The following BFSP1 variants were observed in gnomAD, a reference collection of about 807,000 sequenced individuals.
BFSP1 encodes the protein filensin.
Under a neutral mutation model 43.9 loss-of-function variants are expected in BFSP1, and 38 were observed. The ratio of observed to expected loss-of-function variants is 0.87; its 90% confidence interval spans 0.67 to 1.14. The LOEUF (loss-of-function observed/expected upper bound fraction) is 1.14. BFSP1 is among the 50% of genes most tolerant of loss of function. The pLI is 0.00. For missense variants in BFSP1, 850 were observed against 875.1 expected, an observed-to-expected ratio of 0.97 and a Z score of 0.36; for synonymous variants, 352 against 354.8, an observed-to-expected ratio of 0.99 and a Z score of 0.09.
At chr20:17,519,421 C>T (rs2034271731) in intron 2 of BFSP1, among the ~76,000 whole-genome samples, 1 of 152,238 alleles carries the variant, frequency 6.6e-6, no homozygotes, top group Non-Finnish European at 1.5e-5. Context: ...AACATGAGGG[C>T]TCTGCCAAAT....
At chr20:17,543,272 A>C (rs926506722) in intron 1 of BFSP1, among the ~76,000 whole-genome samples, 3 of 152,244 alleles carry the variant, frequency 2.0e-5, no homozygotes, top group Non-Finnish European at 2.9e-5. Flanking sequence ...AACTTGATAA[A>C]GTCAGCAGCC....
intron 1 of BFSP1, among the ~76,000 whole-genome samples, chr20:17,550,190 A>C (rs765545327): frequency 1.3e-5 from 2 of 152,230 alleles, no homozygotes; most frequent in Non-Finnish European, 2.9e-5. Context: ...TTTGTGCAGG[A>C]AAGAAGTCAA....
chr20:17,520,564 G>C (rs1008039087), intron 2 of BFSP1, among the ~76,000 whole-genome samples: 4 of 152,174 alleles, frequency 2.6e-5, no homozygotes, highest in African/African-American at 7.2e-5. Context: ...TGTTATGGCT[G>C]TTCTTCCAGG....
chr20:17,545,064 C>T (rs1480425818), intron 1 of BFSP1, among the ~76,000 whole-genome samples: 3 of 152,202 alleles, frequency 2.0e-5, no homozygotes, highest in Non-Finnish European at 4.4e-5. Context: ...TTCTTGGGCT[C>T]TCAATGCAAT....
chr20:17,531,983 C>G (rs1280830766), upstream of BFSP1, among the ~76,000 whole-genome samples: 3 of 152,034 alleles, frequency 2.0e-5, no homozygotes, highest in Non-Finnish European at 2.9e-5. Context: ...TGAGGTGTGG[C>G]GCAAGTAATT....
At chr20:17,521,785 A>G (rs1277979494) in intron 2 of BFSP1, among the ~76,000 whole-genome samples, 2 of 152,144 alleles carry the variant, frequency 1.3e-5, no homozygotes, top group East Asian at 3.9e-4. Context: ...TGAGCCAGAG[A>G]AGGAAACAAA....
chr20:17,539,259 C>T (rs192310065), intron 1 of BFSP1, among the ~76,000 whole-genome samples: 1 of 151,880 alleles, frequency 6.6e-6, no homozygotes, highest in Non-Finnish European at 1.5e-5. Context: ...TACAGGTGCA[C>T]ACTACCATGC....
chr20:17,498,513 G>A (rs973990077), intron 6 of BFSP1, among the ~76,000 whole-genome samples: 2 of 152,172 alleles, frequency 1.3e-5, no homozygotes, highest in East Asian at 1.9e-4. Flanking sequence ...GTCCCCAGAG[G>A]CCTATGAGCA....
intron 2 of BFSP1, among the ~76,000 whole-genome samples, chr20:17,521,555 G>A (rs1036387786): frequency 4.6e-5 from 7 of 152,140 alleles, no homozygotes; most frequent in African/African-American, 1.7e-4. Flanking sequence ...CCCAAAACCT[G>A]CAGGCCAAAA....
rs968519524 is a variant in BFSP1 at position 17,525,042 on chromosome 20, T to C, written c.378-134A>G. On this transcript the variant is annotated intron_variant, in intron 1 of 7. Transcript: ENST00000377873. This position sits in a 1 kb window ranked among gnomAD's most constrained non-coding sequence, Gnocchi z 4.2. ...GGAGAGGGTCTTAATTTTAAAGTAG[T>C]AGCTAACGAATGCTGCATTTCCTAG... The C allele has an allele frequency of 9.1e-6, 7 of 770,238 alleles. No homozygotes were observed. In the East Asian group the frequency reaches 1.8e-4, roughly 20 times the overall value. 47.7% of individuals were successfully genotyped at this position (770,238 alleles called of 1,614,324 possible). A position where few individuals can be genotyped will look rare whatever the true frequency, so the allele number is the denominator to read the frequency against.
chr20:17,520,849 C>T (rs1270106612), intron 2 of BFSP1, among the ~76,000 whole-genome samples: 1 of 152,220 alleles, frequency 6.6e-6, no homozygotes, highest in African/African-American at 2.4e-5. Flanking sequence ...ACCATTTTAT[C>T]CCCTAAACTC....
rs202079734 is a variant in BFSP1 at position 17,494,810 on chromosome 20, G to A, written c.1262C>T (p.Pro421Leu). The part of the protein sequence containing the change: ...KFESESKEVS[P>L]LTQEGAPEDV... ...CTCTGGAGCCCCTTCTTGTGTCAGG[G>A]GACTTACTTCTTTACTTTCTGATTC... Residue 421 changes from proline to leucine, a missense_variant, in exon 8 of 8, where the codon CCC becomes CTC. Coordinates refer to ENST00000377873, the MANE Select transcript of BFSP1 (RefSeq NM_001195.5). The A allele has an allele frequency of 1.9e-6, 3 of 1,614,120 alleles. No homozygotes were observed. The highest frequency in any genetic ancestry group is 2.2e-5 in the East Asian group (1 of 44,872).
chr20:17,522,649 A>T (rs1339736080), intron 2 of BFSP1, among the ~76,000 whole-genome samples: 1 of 152,206 alleles, frequency 6.6e-6, no homozygotes, highest in East Asian at 1.9e-4. Context: ...CTGCACCCAC[A>T]CTGTGGAGAA....
intron 2 of BFSP1, among the ~76,000 whole-genome samples, chr20:17,522,347 GC>G (rs941990739): frequency 1.6e-4 from 24 of 152,106 alleles, no homozygotes; most frequent in Admixed American, 3.9e-4. Flanking sequence ...AATAAAACCT[GC>G]CCCCCCAATA....
chr20:17,538,059 T>G, intron 1 of BFSP1, among the ~76,000 whole-genome samples: 1 of 151,340 alleles, frequency 6.6e-6, no homozygotes. Context: ...AGGCAGAGGT[T>G]GCCGTGAGCC....
intron 2 of BFSP1, 140 bp from the exon 3 acceptor site, chr20:17,514,956 G>T (rs2034166438): frequency 4.3e-6 from 3 of 704,858 alleles, no homozygotes; most frequent in African/African-American, 3.5e-5. Flanking sequence ...AGGGGTCTGA[G>T]ATTATGCATT....
At chr20:17,527,617 A>G (rs1462541473) in intron 1 of BFSP1, among the ~76,000 whole-genome samples, 1 of 152,118 alleles carries the variant, frequency 6.6e-6, no homozygotes, top group East Asian at 1.9e-4. Context: ...AGTCCCAGCT[A>G]CTTAGGAGGC....
intron 1 of BFSP1, among the ~76,000 whole-genome samples, chr20:17,537,858 C>A (rs1427765079): frequency 1.3e-5 from 2 of 152,140 alleles, no homozygotes; most frequent in Non-Finnish European, 2.9e-5. Flanking sequence ...TGGCTCACCC[C>A]TGTAATCCCA....
chr20:17,528,203 C>A (rs1387492343), intron 1 of BFSP1, among the ~76,000 whole-genome samples: 1 of 152,144 alleles, frequency 6.6e-6, no homozygotes, highest in African/African-American at 2.4e-5. Flanking sequence ...CTACCACAAT[C>A]CAAATGTCAA....
Sources: gnomAD v4.1 joint callset for allele counts (sites outside exome capture counted in the v4.1 genomes callset) on GRCh38, gnomAD v4.1.1 for gene constraint, Gnocchi (gnomAD v3.1) non-coding constraint, MANE v1.5 for transcripts, NCBI Gene and HGNC (gene_info 2026-07-23, HGNC 2026-07-21) for gene names.